DIP2B: variants seen among roughly 807,000 people sequenced by gnomAD.
DIP2B encodes the protein DIP2 acetate--CoA ligase B (putative).
Under a neutral mutation model 198.0 loss-of-function variants are expected in DIP2B, and 76 were observed. The observed-to-expected ratio is 0.38, with a 90% CI of 0.32 to 0.46. DIP2B has a LOEUF of 0.46. Ranked by LOEUF, DIP2B falls within the 20% of genes least tolerant of loss-of-function variation. DIP2B has a pLI of 0.99. For synonymous variants in DIP2B, 701 were observed against 739.1 expected, an observed-to-expected ratio of 0.95 and a Z score of 0.84; for missense variants, 1,559 against 1,978.4, an observed-to-expected ratio of 0.79 and a Z score of 4.02.
intron 5 of DIP2B, among the ~76,000 whole-genome samples, chr12:50,673,069 AT>A (rs1323677625): frequency 6.6e-6 from 1 of 152,164 alleles, no homozygotes; most frequent in Non-Finnish European, 1.5e-5. Flanking sequence ...TTGTCTGATT[AT>A]TTCCTTAGCG....
chr12:50,623,779 C>G (rs888708068), intron 1 of DIP2B, among the ~76,000 whole-genome samples: 3 of 152,086 alleles, frequency 2.0e-5, no homozygotes, highest in African/African-American at 7.2e-5. Context: ...GTTTTTCATC[C>G]TCAGCACTGC....
intron 1 of DIP2B, among the ~76,000 whole-genome samples, chr12:50,559,858 G>A (rs774483784): frequency 2.6e-5 from 4 of 152,172 alleles, no homozygotes; most frequent in Non-Finnish European, 5.9e-5. Context: ...TTGTAGAGGG[G>A]TGAAATGTAG....
chr12:50,744,082 A>C (rs1442368505), intron 37 of DIP2B, among the ~76,000 whole-genome samples: 1 of 152,048 alleles, frequency 6.6e-6, no homozygotes, highest in African/African-American at 2.4e-5. Context: ...GCTCACTGCA[A>C]CCTCCGCCTC....
At chr12:50,529,222 A>T (rs994301599) in intron 1 of DIP2B, among the ~76,000 whole-genome samples, 1 of 152,122 alleles carries the variant, frequency 6.6e-6, no homozygotes, top group Non-Finnish European at 1.5e-5. Flanking sequence ...ACTCAGGGAG[A>T]TGGAGGCTCC....
chr12:50,608,036 G>T (rs1249634775), intron 1 of DIP2B, among the ~76,000 whole-genome samples: 1 of 151,986 alleles, frequency 6.6e-6, no homozygotes, highest in East Asian at 1.9e-4. Flanking sequence ...CTGGTGATTC[G>T]CCCATCTTGG....
chr12:50,566,542 C>T (rs1202145713), intron 1 of DIP2B, among the ~76,000 whole-genome samples: 1 of 152,064 alleles, frequency 6.6e-6, no homozygotes, highest in African/African-American at 2.4e-5. Context: ...TTTTCAATTA[C>T]TCTTTCTATA....
intron 1 of DIP2B, among the ~76,000 whole-genome samples, chr12:50,592,239 A>G (rs1593636313): frequency 1.3e-5 from 2 of 152,124 alleles, no homozygotes; most frequent in South Asian, 4.2e-4. Context: ...TAGTGACACC[A>G]TCGTAGCTCA....
chr12:50,521,966 A>ATTTTATT (rs937555857), intron 1 of DIP2B, among the ~76,000 whole-genome samples: 1 of 150,882 alleles, frequency 6.6e-6, no homozygotes, highest in African/African-American at 2.4e-5. Flanking sequence ...TATTTAATTT[A>ATTTTATT]TTTTATTTTT....
chr12:50,704,738 G>A (rs1161117534), intron 20 of DIP2B, among the ~76,000 whole-genome samples: 1 of 152,190 alleles, frequency 6.6e-6, no homozygotes, highest in African/African-American at 2.4e-5. Context: ...GCCGAGGTGG[G>A]CGGATCACCT....
chr12:50,571,697 C>T (rs954498944), intron 1 of DIP2B, among the ~76,000 whole-genome samples: 9 of 152,032 alleles, frequency 5.9e-5, no homozygotes, highest in East Asian at 1.9e-4. Flanking sequence ...GGACTACAGG[C>T]GTGTGCCACC....
intron 21 of DIP2B, among the ~76,000 whole-genome samples, chr12:50,707,539 T>A (rs1441671115): frequency 6.6e-6 from 1 of 152,212 alleles, no homozygotes; most frequent in Non-Finnish European, 1.5e-5. Context: ...CAACAAATAT[T>A]CATTGGGTGC....
At position 50,741,430 on chromosome 12, in the gene DIP2B, T is replaced by C; in HGVS notation, c.4369T>C (p.Leu1457=). Residue 1457 remains leucine, a synonymous_variant, in exon 37 of 38, where the codon TTG becomes CTG. Transcript: ENST00000301180. ...CTTTCTGTCAGAGCGTCATGATGCA[T>C]TGTATGTGGTGGGAGCGCTGGATGA... The part of the protein sequence containing the change: ...TAATGERHDA[L]YVVGALDETL... The C allele has an allele frequency of 1.9e-6, 3 of 1,614,024 alleles. No homozygotes were observed. Among genetic ancestry groups the C allele is most frequent in the Non-Finnish European group, 2.5e-6 (3 of 1,179,998 alleles).
intron 1 of DIP2B, among the ~76,000 whole-genome samples, chr12:50,620,856 C>A (rs1361835783): frequency 1.3e-5 from 2 of 152,166 alleles, no homozygotes; most frequent in African/African-American, 4.8e-5. Flanking sequence ...TCCTCCCAAT[C>A]AGTTCCCTCC....
chr12:50,594,981 C>T (rs552782905), intron 1 of DIP2B, among the ~76,000 whole-genome samples: 120 of 152,178 alleles, frequency 7.9e-4, no homozygotes, highest in Non-Finnish European at 2.1e-4. Flanking sequence ...TTGCATTTAA[C>T]TGTAATGTAG....
chr12:50,719,646 A>G (rs1356202072), intron 25 of DIP2B, among the ~76,000 whole-genome samples: 2 of 151,978 alleles, frequency 1.3e-5, no homozygotes, highest in Non-Finnish European at 2.9e-5. Flanking sequence ...GTTCAAGACT[A>G]GCCTGACCAA....
At chr12:50,721,691 T>G (rs1939838944) in intron 26 of DIP2B, among the ~76,000 whole-genome samples, 1 of 152,206 alleles carries the variant, frequency 6.6e-6, no homozygotes, top group Admixed American at 6.5e-5. Context: ...GCTACTTGGC[T>G]TTTGGAAACC....
chr12:50,715,677 C>T (rs1215354871), intron 23 of DIP2B, among the ~76,000 whole-genome samples: 1 of 152,192 alleles, frequency 6.6e-6, no homozygotes, highest in East Asian at 1.9e-4. Flanking sequence ...ACATCCCAGC[C>T]AGCAGGTAGG....
At chr12:50,649,331 T>C (rs1938413097) in intron 3 of DIP2B, among the ~76,000 whole-genome samples, 1 of 152,212 alleles carries the variant, frequency 6.6e-6, no homozygotes, top group South Asian at 2.1e-4. Context: ...GACTGCACGT[T>C]CTAGATATTA....
Position 50,747,064 on chromosome 12 carries a change from A to G in DIP2B, c.*2225A>G, listed in dbSNP as rs1320027469. 1 of 152,238 alleles carries G rather than the reference A, an allele frequency of 6.6e-6. No homozygotes were observed. The highest frequency in any genetic ancestry group is 6.5e-5 in the Admixed American group (1 of 15,284). The allele number at this position is 152,238 out of a possible 1,614,324, so 9.4% of individuals were successfully genotyped here. A position where few individuals can be genotyped will look rare whatever the true frequency, so the allele number is the denominator to read the frequency against. On this transcript the variant is annotated 3_prime_UTR_variant, in exon 38 of 38. Transcript: ENST00000301180. ...ATATTTTATTTAACCCAATAGCTCA[A>G]AAACACTATCATTTCAACATAGGAT...
Sources: gnomAD v4.1 joint callset for allele counts (sites outside exome capture counted in the v4.1 genomes callset) on GRCh38, gnomAD v4.1.1 for gene constraint, MANE v1.5 for transcripts, NCBI Gene and HGNC (gene_info 2026-07-23, HGNC 2026-07-21) for gene names.